Variants in LRBA observed in about 807,000 individuals in gnomAD.
LRBA encodes the protein lipopolysaccharide-responsive and beige-like anchor protein.
LRBA carries 176 observed loss-of-function variants against 330.0 expected under a neutral mutation model. The observed-to-expected ratio is 0.53, with a 90% CI of 0.47 to 0.60. The LOEUF (loss-of-function observed/expected upper bound fraction) is 0.60. LRBA is among the 20% of genes least tolerant of loss of function. The pLI, the probability that LRBA is intolerant of heterozygous loss-of-function variation, is 0.00. For synonymous variants in LRBA, 1,230 were observed against 1,193.0 expected (o/e 1.03, Z -0.64); for missense variants, 3,259 against 3,444.8 (o/e 0.95, Z 1.35).
chr4:150,591,379 A>G (rs1426915763), intron 38 of LRBA, among the ~76,000 whole-genome samples: 2 of 152,190 alleles, frequency 1.3e-5, no homozygotes, highest in African/African-American at 2.4e-5. Context: ...TACTGAAGCC[A>G]TATCTGACAC....
chr4:150,380,003 TAAA>T (rs371691815), intron 47 of LRBA, among the ~76,000 whole-genome samples: 1 of 115,240 alleles, frequency 8.7e-6, no homozygotes. Flanking sequence ...TTTCTACTAC[TAAA>T]AAAAAAAAAA....
At chr4:150,787,001 G>A (rs891305546) in intron 34 of LRBA, among the ~76,000 whole-genome samples, 1 of 152,150 alleles carries the variant, frequency 6.6e-6, no homozygotes, top group Non-Finnish European at 1.5e-5. Context: ...GGAGGCAAAG[G>A]TGAGCAAATC....
In LRBA at chr4:150,806,418, A is replaced by G. The variant is rs780461032; in HGVS notation, c.5385-14T>C. ...CTCTCTGTAATACTAAGGAAAAGAC[A>G]TTAAGTTACTTGAACTATTCAACAG... On this transcript the variant is annotated splice_polypyrimidine_tract_variant and intron_variant, in intron 32 of 56. Transcript: ENST00000651943. The G allele has an allele frequency of 2.5e-6, 4 of 1,570,170 alleles. No individual in the cohort carries two copies. The South Asian group carries it at 4.9e-5, about 19-fold the overall frequency.
At chr4:150,812,278 A>C (rs1222383531) in intron 31 of LRBA, among the ~76,000 whole-genome samples, 2 of 152,204 alleles carry the variant, frequency 1.3e-5, no homozygotes, top group Non-Finnish European at 2.9e-5. Context: ...AATGATACTC[A>C]CTTATCTTTT....
At chr4:150,279,635 T>C (rs192696792) in intron 55 of LRBA, among the ~76,000 whole-genome samples, 6 of 152,334 alleles carry the variant, frequency 3.9e-5, no homozygotes, top group Middle Eastern at 6.8e-3. Context: ...ATGCCAACTT[T>C]TAGTAGTCCC....
chr4:150,888,390 T>C (rs1244764080), intron 17 of LRBA, among the ~76,000 whole-genome samples: 1 of 152,204 alleles, frequency 6.6e-6, no homozygotes, highest in East Asian at 1.9e-4. Flanking sequence ...TCTTCAATTC[T>C]TTAAGCTATA....
At chr4:150,298,497 A>C (rs1729242147) in intron 53 of LRBA, among the ~76,000 whole-genome samples, 1 of 152,122 alleles carries the variant, frequency 6.6e-6, no homozygotes, top group African/African-American at 2.4e-5. Flanking sequence ...GTGATTGATG[A>C]GCGTATAACA....
chr4:151,015,371 AG>A (rs1173364852), upstream of LRBA: 1 of 152,458 alleles, frequency 6.6e-6, no homozygotes, highest in Non-Finnish European at 1.5e-5. Flanking sequence ...TTCGACGGGA[AG>A]GGGTGGGGAG....
At chr4:151,011,597 CAAAA>C (rs77338885) in intron 2 of LRBA, among the ~76,000 whole-genome samples, 5 of 90,512 alleles carry the variant, frequency 5.5e-5, no homozygotes, top group Non-Finnish European at 9.7e-5. Context: ...GACTCTATCT[CAAAA>C]AAAAAAAAAA....
At chr4:150,508,251 G>C (rs1181948621) in intron 40 of LRBA, among the ~76,000 whole-genome samples, 5 of 124,334 alleles carry the variant, frequency 4.0e-5, no homozygotes, top group Non-Finnish European at 6.9e-5. Flanking sequence ...GGGGGGGGGG[G>C]GGAGAAAAAG....
chr4:150,648,271 T>C (rs924907651), intron 37 of LRBA, among the ~76,000 whole-genome samples: 2 of 149,576 alleles, frequency 1.3e-5, no homozygotes, highest in African/African-American at 4.9e-5. Context: ...TAAACAAAAA[T>C]TGTAATACAG....
chr4:150,742,648 A>G (rs1011223230), intron 35 of LRBA, among the ~76,000 whole-genome samples: 3 of 152,116 alleles, frequency 2.0e-5, no homozygotes, highest in Non-Finnish European at 4.4e-5. Flanking sequence ...CTACAATCCC[A>G]GCACGTAGAA....
intron 36 of LRBA, among the ~76,000 whole-genome samples, chr4:150,709,629 T>A (rs1177920045): frequency 3.3e-5 from 5 of 152,024 alleles, no homozygotes; most frequent in African/African-American, 1.2e-4. Context: ...GAGCACCTAC[T>A]ATGTATAGGC....
intron 38 of LRBA, among the ~76,000 whole-genome samples, chr4:150,592,433 T>C (rs367612767): frequency 5.9e-5 from 9 of 152,074 alleles, no homozygotes; most frequent in Non-Finnish European, 1.0e-4. Context: ...ACAATACTTA[T>C]AGTGCTACTG....
intron 40 of LRBA, among the ~76,000 whole-genome samples, chr4:150,495,776 C>A (rs1759515588): frequency 6.6e-6 from 1 of 152,158 alleles, no homozygotes; most frequent in Non-Finnish European, 1.5e-5. Flanking sequence ...ACTCTACATA[C>A]ACTGACAGCA....
intron 34 of LRBA, among the ~76,000 whole-genome samples, chr4:150,767,848 G>A (rs1735989043): frequency 6.6e-6 from 1 of 151,356 alleles, no homozygotes; most frequent in Non-Finnish European, 1.5e-5. Flanking sequence ...CAGACCAGGA[G>A]GTCAGGAGAT....
chr4:150,871,507 T>C, intron 18 of LRBA, 54 bp from the exon 19 acceptor site: 1 of 998,260 alleles, frequency 1.0e-6, no homozygotes, highest in Non-Finnish European at 1.6e-6. Context: ...GTGCTCTACT[T>C]AATATGCATG....
chr4:150,793,080 C>T (rs1221113005), intron 34 of LRBA, among the ~76,000 whole-genome samples: 1 of 147,136 alleles, frequency 6.8e-6, no homozygotes, highest in Non-Finnish European at 1.5e-5. Context: ...AACTCCATCT[C>T]AAACAAAAAA....
intron 47 of LRBA, among the ~76,000 whole-genome samples, chr4:150,374,186 A>G (rs901634283): frequency 1.3e-4 from 20 of 152,218 alleles, no homozygotes; most frequent in Admixed American, 2.6e-4. Flanking sequence ...CCTCTATGAG[A>G]GTGAACTATT....
Sources: gnomAD v4.1 joint callset for allele counts (sites outside exome capture counted in the v4.1 genomes callset) on GRCh38, gnomAD v4.1.1 for gene constraint, MANE v1.5 for transcripts, NCBI Gene and HGNC (gene_info 2026-07-23, HGNC 2026-07-21) for gene names.